Variants in WDFY4 observed in about 807,000 individuals in gnomAD.
WDFY4 encodes the protein WDFY family member 4.
In WDFY4, 169 loss-of-function variants were observed where a neutral mutation model predicts 351.9. The observed-to-expected ratio is 0.48, with a 90% CI of 0.42 to 0.55. The LOEUF is 0.55. Among genes scored for constraint, WDFY4 ranks in the 20% least tolerant of loss-of-function variants. The pLI, the probability that WDFY4 is intolerant of heterozygous loss-of-function variation, is 0.00. For synonymous variants in WDFY4, 1,622 were observed against 1,574.6 expected, an observed-to-expected ratio of 1.03 and a Z score of -0.71; for missense variants, 3,803 against 3,935.6, an observed-to-expected ratio of 0.97 and a Z score of 0.90.
At chr10:48,766,620 A>T (rs1431921176) in intron 13 of WDFY4, among the ~76,000 whole-genome samples, 1 of 152,200 alleles carries the variant, frequency 6.6e-6, no homozygotes, top group Non-Finnish European at 1.5e-5. Flanking sequence ...CTAAAAACTA[A>T]AAAAGCAAAC....
intron 12 of WDFY4, among the ~76,000 whole-genome samples, chr10:48,746,947 C>T (rs560852521): frequency 6.6e-6 from 1 of 152,322 alleles, no homozygotes; most frequent in South Asian, 2.1e-4. Context: ...GATTTACCTA[C>T]ATGCTTTCAA....
At chr10:48,890,871 A>T (rs1181642144) in intron 44 of WDFY4, 144 bp downstream of exon 44, 2 of 1,210,206 alleles carry the variant, frequency 1.7e-6, no homozygotes, top group African/African-American at 3.0e-5. Context: ...AAACAGAAGG[A>T]CCTGCAGGCA....
chr10:48,727,706 C>T (rs987291315), intron 7 of WDFY4, 47 bp downstream of exon 7: 6 of 1,541,106 alleles, frequency 3.9e-6, no homozygotes, highest in East Asian at 4.9e-5. Context: ...CCACCAAAGC[C>T]TTAGTCCTCA....
At position 48,790,071 on chromosome 10, in the gene WDFY4, T is replaced by C. The variant is rs574464184; in HGVS notation, c.4066+86T>C. The C allele has an allele frequency of 3.9e-4, 521 of 1,328,934 alleles. 2 individuals are homozygous for C. The African/African-American group carries it at 6.8e-3, about 17-fold the overall frequency. The allele number at this position is 1,328,934 out of a possible 1,614,324, so 82.3% of individuals were successfully genotyped here. A position where few individuals can be genotyped will look rare whatever the true frequency, so the allele number is the denominator to read the frequency against. ...TGTGCACCCTGGAGTTCTGGAGTGG[T>C]GGACAGGATGGAGTGTGCCAGGGAA... On this transcript the variant is annotated intron_variant, in intron 22 of 61. Transcript: ENST00000325239.
At chr10:48,832,440 TG>T in intron 38 of WDFY4, 132 bp from the exon 39 acceptor site, 4 of 1,086,668 alleles carry the variant, frequency 3.7e-6, no homozygotes, top group Non-Finnish European at 5.0e-6. Context: ...GCTTGTAGCC[TG>T]GGTTGTTTCT....
At position 48,832,666 on chromosome 10, in the gene WDFY4, T is replaced by C. The variant is rs2068230272; in HGVS notation, c.6620T>C (p.Leu2207Pro). ...GGAAGCCTGTCCTCAGCCATGAAGC[T>C]GATGCCCGGGCGGCAGGCCAAGGAC... ...WSGSLSSAMK[L>P]MPGRQAKDPE... Residue 2207 changes from leucine (L) to proline (P), a missense_variant, in exon 39 of 62, where the codon CTG (leucine) becomes CCG (proline). Transcript: ENST00000325239. The C allele has an allele frequency of 1.9e-6, 3 of 1,550,574 alleles. No individual in the cohort carries two copies. Among genetic ancestry groups the C allele is most frequent in the African/African-American group, 1.4e-5 (1 of 73,052 alleles).
At chr10:48,688,948 G>C (rs1485884312) in intron 1 of WDFY4, among the ~76,000 whole-genome samples, 1 of 152,184 alleles carries the variant, frequency 6.6e-6, no homozygotes, top group Non-Finnish European at 1.5e-5. Context: ...TTGGAAGGTG[G>C]AAGTAGAAGC....
intron 7 of WDFY4, among the ~76,000 whole-genome samples, chr10:48,728,423 C>G (rs1405704895): frequency 2.0e-5 from 3 of 152,212 alleles, no homozygotes; most frequent in Non-Finnish European, 4.4e-5. Flanking sequence ...AGCTCCTCTG[C>G]TGATCTTGGG....
intron 51 of WDFY4, among the ~76,000 whole-genome samples, chr10:48,956,708 C>T (rs1841607492): frequency 6.6e-6 from 1 of 152,204 alleles, no homozygotes; most frequent in East Asian, 1.9e-4. Flanking sequence ...TTCTTTATTT[C>T]CTGCCTGTGG....
intron 30 of WDFY4, among the ~76,000 whole-genome samples, chr10:48,812,430 T>C (rs1270455440): frequency 6.6e-6 from 1 of 152,120 alleles, no homozygotes; most frequent in Non-Finnish European, 1.5e-5. Context: ...CCTCAGGTGA[T>C]CCACCCTCCT....
chr10:48,840,944 TA>T (rs2068583807), intron 39 of WDFY4, among the ~76,000 whole-genome samples: 1 of 152,204 alleles, frequency 6.6e-6, no homozygotes, highest in Non-Finnish European at 1.5e-5. Context: ...GAAGGATAAT[TA>T]ACATCACTAA....
chr10:48,841,599 C>T (rs549924068), intron 39 of WDFY4, among the ~76,000 whole-genome samples: 1 of 152,308 alleles, frequency 6.6e-6, no homozygotes, highest in Admixed American at 6.5e-5. Flanking sequence ...ACATATCAAA[C>T]TTGAAGTCCA....
chr10:48,974,048 G>A (rs931733961), intron 57 of WDFY4, among the ~76,000 whole-genome samples: 1 of 152,144 alleles, frequency 6.6e-6, no homozygotes, highest in African/African-American at 2.4e-5. Context: ...AATCCCCTGA[G>A]GGCTTGTGAA....
chr10:48,715,628 TA>T (rs1157654068), intron 2 of WDFY4, among the ~76,000 whole-genome samples: 2 of 152,056 alleles, frequency 1.3e-5, no homozygotes, highest in African/African-American at 2.4e-5. Context: ...ATTATTTTTT[TA>T]TTTTTTTTAT....
rs931795682 is a variant in WDFY4 at position 48,982,451 on chromosome 10, G to A, written c.9489-58G>A. On this transcript the variant is annotated intron_variant, in intron 61 of 61. Coordinates refer to ENST00000325239, the MANE Select transcript of WDFY4 (RefSeq NM_001394531.1). ...CCAGAGTTGCAATATCCCATGTGCT[G>A]GCGGGGACAAGTGGTACTGTCCCTC... 8 of 1,397,906 alleles carry A rather than the reference G, an allele frequency of 5.7e-6. No individual in the cohort carries two copies. In the South Asian group the frequency reaches 1.0e-4, roughly 18 times the overall value. The allele number at this position is 1,397,906 out of a possible 1,614,324, so 86.6% of individuals were successfully genotyped here. A position where few individuals can be genotyped will look rare whatever the true frequency, so the allele number is the denominator to read the frequency against.
In WDFY4 at chr10:48,944,720, A is replaced by G. The variant is rs189279896; in HGVS notation, c.7749+1271A>G. Among the ~76,000 whole-genome samples the G allele has an allele frequency of 1.0e-3, 152 of 152,274 alleles. 1 individual carries two copies. Among genetic ancestry groups the G allele is most frequent in the Admixed American group, 4.1e-3 (63 of 15,294 alleles). ...TCCATCGGAGGCTGAGGCATTTCAAACACAAAACCTACTCACATGTTGCAA... is the reference window on the plus strand; with the variant it reads ...TCCATCGGAGGCTGAGGCATTTCAAGCACAAAACCTACTCACATGTTGCAA... On this transcript the variant is annotated intron_variant, in intron 49 of 61. Coordinates refer to ENST00000325239, the MANE Select transcript of WDFY4 (RefSeq NM_001394531.1).
chr10:48,796,075 A>G (rs1012462911), intron 23 of WDFY4, among the ~76,000 whole-genome samples: 3 of 152,170 alleles, frequency 2.0e-5, no homozygotes, highest in Admixed American at 6.5e-5. Context: ...TTCTGGAAAC[A>G]TGGAAAAGAT....
intron 39 of WDFY4, among the ~76,000 whole-genome samples, chr10:48,842,650 G>C (rs991733312): frequency 6.6e-6 from 1 of 152,180 alleles, no homozygotes; most frequent in Admixed American, 6.5e-5. Context: ...TCCTACCTCA[G>C]CTAGTTGATA....
In WDFY4 at chr10:48,910,509, A is replaced by T. The variant is rs1216444447; in HGVS notation, c.7586+8646A>T. ...GTATTTTAGAGCATGAAGGAACACC[A>T]ACATCAAACCTTTTCCTTGGCAGAA... On this transcript the variant is annotated intron_variant, in intron 47 of 61. Transcript: ENST00000325239. Among the ~76,000 whole-genome samples, 3 of 152,244 alleles carry T rather than the reference A, an allele frequency of 2.0e-5. No individual in the cohort carries two copies. In the East Asian group the frequency reaches 5.8e-4, roughly 29 times the overall value.
Sources: allele counts gnomAD v4.1 joint callset (sites outside exome capture counted in the v4.1 genomes callset), GRCh38; gene constraint gnomAD v4.1.1; transcripts MANE v1.5; gene names NCBI Gene and HGNC (gene_info 2026-07-23, HGNC 2026-07-21).